ZNF626: variants seen among roughly 807,000 people sequenced by gnomAD.
ZNF626 encodes the protein CTC-513N18.7.
In ZNF626, 4 loss-of-function variants were observed where a neutral mutation model predicts 11.7. The observed-to-expected ratio is 0.34, with a 90% CI of 0.17 to 0.78. ZNF626 has a LOEUF of 0.78. Ranked by LOEUF, ZNF626 falls within the 30% of genes least tolerant of loss-of-function variation. ZNF626 has a pLI of 0.57. For missense variants in ZNF626, 588 were observed against 587.1 expected, an observed-to-expected ratio of 1.00 and a Z score of -0.01; for synonymous variants, 179 against 198.6, an observed-to-expected ratio of 0.90 and a Z score of 0.83.
At chr19:20,635,859 G>A (rs1195777961) in intron 3 of ZNF626, among the ~76,000 whole-genome samples, 6 of 152,136 alleles carry the variant, frequency 3.9e-5, no homozygotes, top group African/African-American at 7.2e-5. Flanking sequence ...CAGGCCAGGC[G>A]AAGTGGCTCA....
intron 3 of ZNF626, among the ~76,000 whole-genome samples, chr19:20,637,104 AC>A (rs1361681235): frequency 6.6e-6 from 1 of 152,044 alleles, no homozygotes; most frequent in African/African-American, 2.4e-5. Flanking sequence ...ATCTCAAAAA[AC>A]AAAACAAAAC....
chr19:20,642,891 A>G (rs1555771612), intron 3 of ZNF626, among the ~76,000 whole-genome samples: 6 of 151,600 alleles, frequency 4.0e-5, no homozygotes, highest in Non-Finnish European at 8.8e-5. Context: ...CATGCCTGTA[A>G]TCCCAGCTAC....
chr19:20,648,877 G>A (rs1158160784), intron 1 of ZNF626, among the ~76,000 whole-genome samples: 3 of 152,150 alleles, frequency 2.0e-5, no homozygotes, highest in South Asian at 4.1e-4. Flanking sequence ...AATTCTGCAT[G>A]GCATATAAGA....
At chr19:20,646,473 T>C in intron 1 of ZNF626, 68 bp from the exon 2 acceptor site, 2 of 1,610,672 alleles carry the variant, frequency 1.2e-6, no homozygotes, top group Non-Finnish European at 1.7e-6. Flanking sequence ...TGACTTAAGG[T>C]GAAATAAGAG....
chr19:20,646,505 C>T (rs1001361008), intron 1 of ZNF626, 100 bp from the exon 2 acceptor site: 3 of 1,574,900 alleles, frequency 1.9e-6, no homozygotes, highest in Non-Finnish European at 8.6e-7. Flanking sequence ...CTGGTTCTGA[C>T]TTATAGGACT....
chr19:20,645,993 T>G (rs1970073194), intron 2 of ZNF626, among the ~76,000 whole-genome samples: 1 of 152,256 alleles, frequency 6.6e-6, no homozygotes, highest in South Asian at 2.1e-4. Context: ...AAATTGGTGG[T>G]GGCAATTAGA....
At chr19:20,640,193 T>C (rs4533416) in intron 3 of ZNF626, among the ~76,000 whole-genome samples, 66,519 of 146,330 alleles carry the variant, frequency 0.45, 16,121 homozygotes, top group African/African-American at 0.66. Flanking sequence ...TTATTTAAAA[T>C]ATTTTAATTT....
At position 20,623,120 on chromosome 19, in the gene ZNF626, T is replaced by C. The variant is rs1197189662; in HGVS notation, c.*1170A>G. Reference sequence around the variant, plus strand: ...TATTTTCTGAAAGATTTTTTGACAGTAATTGCACTTTTAATGCTTTCATTA... The same window carrying C: ...TATTTTCTGAAAGATTTTTTGACAGCAATTGCACTTTTAATGCTTTCATTA... On this transcript the variant is annotated 3_prime_UTR_variant, in exon 4 of 4. Coordinates refer to ENST00000601440, the MANE Select transcript of ZNF626 (RefSeq NM_001076675.3). 1 of 152,332 alleles carries C rather than the reference T, an allele frequency of 6.6e-6. No homozygotes were observed. Among genetic ancestry groups the C allele is most frequent in the Non-Finnish European group, 1.5e-5 (1 of 68,068 alleles). 9.4% of individuals were successfully genotyped at this position (152,332 alleles called of 1,614,324 possible).
chr19:20,640,783 T>G (rs1555771356), intron 3 of ZNF626, among the ~76,000 whole-genome samples: 1 of 151,984 alleles, frequency 6.6e-6, no homozygotes, highest in African/African-American at 2.4e-5. Context: ...TGAATGTTGG[T>G]GGATAACAAA....
At chr19:20,636,529 G>A (rs1969967173) in intron 3 of ZNF626, among the ~76,000 whole-genome samples, 2 of 151,236 alleles carry the variant, frequency 1.3e-5, no homozygotes, top group African/African-American at 4.9e-5. Flanking sequence ...AAAATATAAG[G>A]TAAAGTAATA....
chr19:20,631,292 T>A (rs8104203), intron 3 of ZNF626, among the ~76,000 whole-genome samples: 82,394 of 151,314 alleles, frequency 0.54, 25,142 homozygotes, highest in African/African-American at 0.83. Context: ...TATTAGGTCC[T>A]CTTGGTGCAG....
intron 3 of ZNF626, among the ~76,000 whole-genome samples, chr19:20,627,942 A>C (rs890861068): frequency 6.6e-6 from 1 of 152,138 alleles, no homozygotes; most frequent in Non-Finnish European, 1.5e-5. Flanking sequence ...CCCTGACGCC[A>C]CAACAGTCCC....
At chr19:20,654,324 T>TA (rs1970180666) in intron 1 of ZNF626, among the ~76,000 whole-genome samples, 1 of 152,120 alleles carries the variant, frequency 6.6e-6, no homozygotes, top group South Asian at 2.1e-4. Flanking sequence ...ACAACTGTAC[T>TA]ACCAGCTACT....
intron 3 of ZNF626, among the ~76,000 whole-genome samples, chr19:20,627,959 G>C (rs963673220): frequency 1.3e-5 from 2 of 152,138 alleles, no homozygotes; most frequent in Admixed American, 6.5e-5. Context: ...TCCCCGGTGT[G>C]TGATGTTTCC....
chr19:20,640,698 A>G (rs1970015228), intron 3 of ZNF626, among the ~76,000 whole-genome samples: 5 of 151,874 alleles, frequency 3.3e-5, no homozygotes, highest in Non-Finnish European at 7.4e-5. Context: ...CACCTCACAC[A>G]CATTAGAATG....
intron 3 of ZNF626, among the ~76,000 whole-genome samples, chr19:20,638,770 C>G (rs1276856489): frequency 6.6e-6 from 1 of 151,484 alleles, no homozygotes; most frequent in Non-Finnish European, 1.5e-5. Flanking sequence ...CATCAGGGCT[C>G]CAAAATACAT....
Position 20,622,743 on chromosome 19 carries a change from C to T in ZNF626, c.*1547G>A, listed in dbSNP as rs1555768888. The T allele has an allele frequency of 6.6e-6, 1 of 152,184 alleles. No homozygotes were observed. Among genetic ancestry groups the T allele is most frequent in the Non-Finnish European group, 1.5e-5 (1 of 68,020 alleles). 9.4% of individuals were successfully genotyped at this position (152,184 alleles called of 1,614,324 possible). ...GTTGTGAATTCATTTATATACTCAA[C>T]ACTCTTATTTAATGTAATGTCTGAA... On this transcript the variant is annotated 3_prime_UTR_variant, in exon 4 of 4. Transcript: ENST00000601440.
Position 20,625,331 on chromosome 19 carries a change from A to G in ZNF626, c.546T>C (p.Phe182=). 2.5e-6 allele frequency: 4 copies of G among 1,613,666 alleles called. No homozygotes were observed. The highest frequency in any genetic ancestry group is 2.5e-6 in the Non-Finnish European group (3 of 1,179,690). ...PFKYIECGKA[F]KQFSTLTTHK... The stretch of plus-strand genomic sequence containing the variant: ...GTGTAGTAAGAGTTGAGAACTGCTT[A>G]AAAGCTTTGCCACATTCTATATATT... The change falls in exon 4 of 4, where the codon TTT becomes TTC. Residue 182 remains phenylalanine, a synonymous_variant. Coordinates refer to ENST00000601440, the MANE Select transcript of ZNF626 (RefSeq NM_001076675.3).
chr19:20,641,171 G>A (rs567945193), intron 3 of ZNF626, among the ~76,000 whole-genome samples: 2 of 147,084 alleles, frequency 1.4e-5, no homozygotes, highest in Admixed American at 6.8e-5. Context: ...GGACCTGGAA[G>A]ACATATTTGA....
Sources: gnomAD v4.1 joint callset for allele counts (sites outside exome capture counted in the v4.1 genomes callset) on GRCh38, gnomAD v4.1.1 for gene constraint, MANE v1.5 for transcripts, NCBI Gene and HGNC (gene_info 2026-07-23, HGNC 2026-07-21) for gene names.